The following QTMAN variants were observed in gnomAD, a reference collection of about 807,000 sequenced individuals.
The protein encoded by QTMAN is tRNA-queuosine alpha-mannosyltransferase.
the QTMAN span, among the ~76,000 whole-genome samples, chr2:144,248,334 T>A: frequency 6.6e-6 from 1 of 152,136 alleles, no homozygotes; most frequent in Non-Finnish European, 1.5e-5. Flanking sequence ...GAAATATACA[T>A]GAAAATATGA....
chr2:144,021,112 T>C, the QTMAN span, among the ~76,000 whole-genome samples: 1 of 151,338 alleles, frequency 6.6e-6, no homozygotes, highest in Admixed American at 6.6e-5. Context: ...TTATTTGTAC[T>C]GATGTATTGA....
chr2:144,202,126 G>C, the QTMAN span, among the ~76,000 whole-genome samples: 1 of 152,136 alleles, frequency 6.6e-6, no homozygotes, highest in Admixed American at 6.6e-5. Context: ...AGATGAACAA[G>C]AATTAGTCAT....
At chr2:144,052,584 G>C in the QTMAN span, among the ~76,000 whole-genome samples, 1 of 152,200 alleles carries the variant, frequency 6.6e-6, no homozygotes, top group African/African-American at 2.4e-5. Context: ...CACATAGCTA[G>C]TAAATCATCC....
the QTMAN span, among the ~76,000 whole-genome samples, chr2:144,188,595 T>C: frequency 6.6e-6 from 1 of 152,048 alleles, no homozygotes; most frequent in South Asian, 2.1e-4. Flanking sequence ...GACATTTTAG[T>C]GATAGGTAAG....
chr2:144,068,407 T>G, the QTMAN span, among the ~76,000 whole-genome samples: 434 of 152,342 alleles, frequency 2.8e-3, 4 homozygotes, highest in African/African-American at 9.9e-3. Context: ...AAAGGCCACT[T>G]TCTGAATGTA....
chr2:144,308,084 C>T, the QTMAN span, among the ~76,000 whole-genome samples: 1 of 150,802 alleles, frequency 6.6e-6, no homozygotes, highest in African/African-American at 2.4e-5. Flanking sequence ...ACTGAACAAA[C>T]AGTGTTATGT....
chr2:144,072,231 C>A, the QTMAN span, among the ~76,000 whole-genome samples: 1 of 151,922 alleles, frequency 6.6e-6, no homozygotes, highest in African/African-American at 2.4e-5. Context: ...AATCCGATGC[C>A]CAGAAAAAAA....
the QTMAN span, among the ~76,000 whole-genome samples, chr2:144,098,016 T>C: frequency 6.6e-6 from 1 of 152,204 alleles, no homozygotes; most frequent in Non-Finnish European, 1.5e-5. Context: ...CCTTCCTCTC[T>C]GACAAGAAGC....
chr2:144,279,434 A>G, the QTMAN span, among the ~76,000 whole-genome samples: 1 of 151,970 alleles, frequency 6.6e-6, no homozygotes, highest in South Asian at 2.1e-4. Context: ...CAACACTACT[A>G]CACTGTTAGA....
the QTMAN span, chr2:144,142,129 C>A: frequency 9.9e-7 from 1 of 1,005,912 alleles, no homozygotes; most frequent in Non-Finnish European, 1.5e-6. Context: ...CCTAAGACCT[C>A]TATGGATTAA....
At chr2:143,960,445 T>C in the QTMAN span, among the ~76,000 whole-genome samples, 17 of 151,984 alleles carry the variant, frequency 1.1e-4, no homozygotes, top group Non-Finnish European at 1.8e-4. Context: ...TGTTCAAGGA[T>C]TGAAGTAAGG....
chr2:143,987,670 C>G, the QTMAN span, among the ~76,000 whole-genome samples: 88 of 152,326 alleles, frequency 5.8e-4, no homozygotes, highest in Non-Finnish European at 1.0e-3. Context: ...CTACTTTGCA[C>G]ATCCATTCCT....
the QTMAN span, among the ~76,000 whole-genome samples, chr2:144,137,086 A>C: frequency 6.6e-6 from 1 of 152,176 alleles, no homozygotes; most frequent in East Asian, 1.9e-4. Flanking sequence ...TGCACAAGAA[A>C]GGCTTTAGAT....
At chr2:144,255,779 A>T in the QTMAN span, among the ~76,000 whole-genome samples, 6 of 152,262 alleles carry the variant, frequency 3.9e-5, no homozygotes, top group African/African-American at 1.4e-4. Flanking sequence ...GGGTGAATAC[A>T]TGTCATTATA....
At chr2:143,975,730 T>C in the QTMAN span, among the ~76,000 whole-genome samples, 1 of 152,190 alleles carries the variant, frequency 6.6e-6, no homozygotes, top group Non-Finnish European at 1.5e-5. Context: ...ATGTCTTGTG[T>C]TAAGAGGATT....
At chr2:144,122,236 C>G in the QTMAN span, among the ~76,000 whole-genome samples, 1 of 152,130 alleles carries the variant, frequency 6.6e-6, no homozygotes, top group Non-Finnish European at 1.5e-5. Flanking sequence ...ACATTTAAAA[C>G]TGACAAAGGG....
the QTMAN span, among the ~76,000 whole-genome samples, chr2:144,009,925 G>A: frequency 6.6e-6 from 1 of 151,984 alleles, no homozygotes; most frequent in African/African-American, 2.4e-5. Flanking sequence ...CAAATGGTAA[G>A]AGAAGGAACA....
the QTMAN span, among the ~76,000 whole-genome samples, chr2:144,164,071 C>T: frequency 3.9e-5 from 6 of 151,928 alleles, no homozygotes; most frequent in Admixed American, 3.9e-4. Flanking sequence ...CACAGGTGTG[C>T]GCCACTATGC....
chr2:144,040,411 A>C, the QTMAN span, among the ~76,000 whole-genome samples: 1 of 152,012 alleles, frequency 6.6e-6, no homozygotes, highest in East Asian at 1.9e-4. Flanking sequence ...CATCTTCTAA[A>C]AGAATAAAAA....
Sources: allele counts gnomAD v4.1 joint callset (sites outside exome capture counted in the v4.1 genomes callset), GRCh38; gene constraint gnomAD v4.1.1; transcripts MANE v1.5; gene names NCBI Gene and HGNC (gene_info 2026-07-23, HGNC 2026-07-21).